DLG2: variants seen among roughly 807,000 people sequenced by gnomAD.
DLG2 encodes the protein disks large homolog 2.
Under a neutral mutation model 132.5 loss-of-function variants are expected in DLG2, and 45 were observed. The ratio of observed to expected loss-of-function variants is 0.34; its 90% CI spans 0.27 to 0.44. DLG2 has a LOEUF of 0.44. DLG2 is among the 20% of genes least tolerant of loss of function. The probability of loss-of-function intolerance (pLI) is 1.00; values close to 1 mark genes in which losing one functional copy is unlikely to be tolerated. For missense variants in DLG2, 1,045 were observed against 1,196.9 expected, an observed-to-expected ratio of 0.87 and a Z score of 1.87; for synonymous variants, 424 against 419.6, an observed-to-expected ratio of 1.01 and a Z score of -0.13.
chr11:85,607,595 T>C (rs1225308389), intron 2 of DLG2, among the ~76,000 whole-genome samples: 1 of 152,196 alleles, frequency 6.6e-6, no homozygotes, highest in Non-Finnish European at 1.5e-5. Context: ...TAGTATAAAC[T>C]CCAGGACTCT....
chr11:85,450,906 T>C (rs187805075), intron 3 of DLG2, among the ~76,000 whole-genome samples: 286 of 152,210 alleles, frequency 1.9e-3, no homozygotes, highest in Middle Eastern at 3.4e-3. Context: ...TCCATATTTC[T>C]AAACATTGAA....
At chr11:83,863,055 T>A (rs1180663353) in intron 16 of DLG2, among the ~76,000 whole-genome samples, 1 of 152,128 alleles carries the variant, frequency 6.6e-6, no homozygotes, top group Non-Finnish European at 1.5e-5. Flanking sequence ...ATATAGGCAA[T>A]CAAGAAGAGA....
chr11:84,862,043 G>C (rs1268966480), intron 6 of DLG2, among the ~76,000 whole-genome samples: 1 of 119,036 alleles, frequency 8.4e-6, no homozygotes, highest in East Asian at 3.1e-4. Flanking sequence ...TTGTGGGGTG[G>C]GGGGAGGGGG....
intron 11 of DLG2, among the ~76,000 whole-genome samples, chr11:84,039,215 T>C (rs2095977164): frequency 6.6e-6 from 1 of 151,892 alleles, no homozygotes; most frequent in Non-Finnish European, 1.5e-5. Flanking sequence ...TTTTTTCTAG[T>C]TAATTTTTTT....
chr11:84,672,823 A>G (rs1036275671), intron 6 of DLG2, among the ~76,000 whole-genome samples: 1 of 152,136 alleles, frequency 6.6e-6, no homozygotes, highest in Admixed American at 6.6e-5. Context: ...TTGGTAATTT[A>G]TAAACAAAAA....
intron 7 of DLG2, among the ~76,000 whole-genome samples, chr11:84,517,585 T>C (rs745801492): frequency 6.6e-6 from 1 of 151,892 alleles, no homozygotes; most frequent in Non-Finnish European, 1.5e-5. Context: ...AAAGAGTATA[T>C]AGAGCTTCTT....
chr11:84,175,964 A>T (rs2095952011), intron 8 of DLG2, among the ~76,000 whole-genome samples: 2 of 152,134 alleles, frequency 1.3e-5, no homozygotes, highest in Admixed American at 1.3e-4. Context: ...TAGAAATTGT[A>T]AGGTTTAAAG....
intron 18 of DLG2, among the ~76,000 whole-genome samples, chr11:83,715,919 A>G (rs928573446): frequency 2.6e-5 from 4 of 152,058 alleles, no homozygotes; most frequent in African/African-American, 9.7e-5. Context: ...GCCTTTTCTG[A>G]TCATCTCATT....
intron 6 of DLG2, among the ~76,000 whole-genome samples, chr11:84,914,153 A>G (rs1275670163): frequency 1.3e-5 from 2 of 152,196 alleles, no homozygotes; most frequent in East Asian, 3.8e-4. Flanking sequence ...TAAGCCTCCC[A>G]CTAGTCATCT....
chr11:83,714,836 T>C (rs1274517373), intron 18 of DLG2, among the ~76,000 whole-genome samples: 4 of 152,316 alleles, frequency 2.6e-5, no homozygotes, highest in Admixed American at 2.6e-4. Context: ...GTTCAACCAT[T>C]GTGGAAGACA....
chr11:84,562,072 A>C (rs920942821), intron 6 of DLG2, among the ~76,000 whole-genome samples: 3 of 152,180 alleles, frequency 2.0e-5, no homozygotes, highest in African/African-American at 7.2e-5. Flanking sequence ...ATGTGACAGA[A>C]TATACTTTTA....
At chr11:84,638,610 T>C (rs1333390306) in intron 6 of DLG2, among the ~76,000 whole-genome samples, 1 of 152,252 alleles carries the variant, frequency 6.6e-6, no homozygotes, top group Non-Finnish European at 1.5e-5. Context: ...AGTGTTATTT[T>C]TTGAAATTGC....
intron 5 of DLG2, chr11:85,133,097 C>G: frequency 3.1e-6 from 1 of 324,622 alleles, no homozygotes; most frequent in Non-Finnish European, 6.1e-6. Context: ...GAACAAGGCT[C>G]CTGTGAGTGC....
chr11:85,514,305 T>C (rs1300929592), intron 3 of DLG2, among the ~76,000 whole-genome samples: 1 of 151,988 alleles, frequency 6.6e-6, no homozygotes, highest in African/African-American at 2.4e-5. Context: ...TTACAGCTCA[T>C]TGGTGGATGT....
At chr11:83,651,502 C>CT (rs1049269498) in intron 18 of DLG2, 84 of 165,072 alleles carry the variant, frequency 5.1e-4, no homozygotes, top group Non-Finnish European at 6.0e-4. Context: ...TATTCCTGCC[C>CT]TTTTTTGTAT....
intron 6 of DLG2, among the ~76,000 whole-genome samples, chr11:84,644,952 C>G (rs2099672801): frequency 6.6e-6 from 1 of 152,150 alleles, no homozygotes; most frequent in Non-Finnish European, 1.5e-5. Context: ...AAACACATAT[C>G]TCTCATTTAT....
intron 6 of DLG2, among the ~76,000 whole-genome samples, chr11:84,650,401 T>C (rs1285276628): frequency 6.6e-6 from 1 of 152,190 alleles, no homozygotes; most frequent in Non-Finnish European, 1.5e-5. Flanking sequence ...ACATTTTCAT[T>C]ACTGACTTGA....
At chr11:83,798,383 T>C (rs915862502) in intron 17 of DLG2, among the ~76,000 whole-genome samples, 5 of 152,266 alleles carry the variant, frequency 3.3e-5, no homozygotes, top group Non-Finnish European at 7.3e-5. Flanking sequence ...GGTAGGTACT[T>C]ACTAAATAGT....
At chr11:84,713,916 A>G (rs924307858) in intron 6 of DLG2, among the ~76,000 whole-genome samples, 1 of 152,102 alleles carries the variant, frequency 6.6e-6, no homozygotes, top group Non-Finnish European at 1.5e-5. Context: ...TAACTGTTAT[A>G]CAGCAATTAA....
Sources: allele counts gnomAD v4.1 joint callset (sites outside exome capture counted in the v4.1 genomes callset), GRCh38; gene constraint gnomAD v4.1.1; transcripts MANE v1.5; gene names NCBI Gene and HGNC (gene_info 2026-07-23, HGNC 2026-07-21).